Variants in CADM2 observed in about 807,000 individuals in gnomAD.
The protein encoded by CADM2 is immunoglobulin superfamily member 4D.
In CADM2, 12 loss-of-function variants were observed where a neutral mutation model predicts 49.8. That is an observed-to-expected ratio of 0.24 (90% confidence interval 0.15 to 0.39). CADM2 has a LOEUF of 0.39. Ranked by LOEUF, CADM2 falls within the 10% of genes least tolerant of loss-of-function variation. CADM2 has a pLI of 1.00. For synonymous variants in CADM2, 214 were observed against 175.4 expected (o/e 1.22, Z -1.74); for missense variants, 378 against 492.3 (o/e 0.77, Z 2.20).
intron 1 of CADM2, among the ~76,000 whole-genome samples, chr3:85,061,343 G>A (rs1008338414): frequency 6.6e-6 from 1 of 152,000 alleles, no homozygotes; most frequent in African/African-American, 2.4e-5. Context: ...CATGCAAATG[G>A]TGTGAATTAT....
At chr3:85,132,204 A>C (rs1385345867) in intron 1 of CADM2, among the ~76,000 whole-genome samples, 1 of 152,184 alleles carries the variant, frequency 6.6e-6, no homozygotes, top group Non-Finnish European at 1.5e-5. Flanking sequence ...GTTTCTGATA[A>C]ACTTACAAGG....
At chr3:85,755,141 C>T (rs1237018205) in intron 2 of CADM2, among the ~76,000 whole-genome samples, 2 of 152,108 alleles carry the variant, frequency 1.3e-5, no homozygotes, top group African/African-American at 2.4e-5. Context: ...TGCACAAGAC[C>T]ATCCCCAATT....
At chr3:85,149,287 G>T (rs959236) in intron 1 of CADM2, among the ~76,000 whole-genome samples, 65,559 of 151,866 alleles carry the variant, frequency 0.43, 15,694 homozygotes, top group Non-Finnish European at 0.55. Flanking sequence ...ACAGCAAGAA[G>T]GACCTTGTCA....
intron 1 of CADM2, among the ~76,000 whole-genome samples, chr3:85,673,972 C>G (rs1420724578): frequency 3.9e-5 from 6 of 152,070 alleles, no homozygotes; most frequent in African/African-American, 1.4e-4. Flanking sequence ...AAGAGTCACT[C>G]AAACAGTTTA....
chr3:85,431,974 T>A (rs903166432), intron 1 of CADM2, among the ~76,000 whole-genome samples: 2 of 145,972 alleles, frequency 1.4e-5, no homozygotes, highest in Non-Finnish European at 3.0e-5. Context: ...AATCAGCTGC[T>A]AACTTGAAGC....
At chr3:85,464,993 C>T (rs1457251535) in intron 1 of CADM2, among the ~76,000 whole-genome samples, 1 of 151,950 alleles carries the variant, frequency 6.6e-6, no homozygotes, top group Non-Finnish European at 1.5e-5. Flanking sequence ...ACTGAAAATA[C>T]TAAAAATTAG....
chr3:85,676,122 T>C (rs1317586127), intron 1 of CADM2, among the ~76,000 whole-genome samples: 1 of 152,178 alleles, frequency 6.6e-6, no homozygotes, highest in Admixed American at 6.5e-5. Context: ...CTGATTCCCA[T>C]TGATAGGGTC....
At chr3:85,091,957 A>G (rs541135463) in intron 1 of CADM2, among the ~76,000 whole-genome samples, 1 of 152,270 alleles carries the variant, frequency 6.6e-6, no homozygotes, top group South Asian at 2.1e-4. Flanking sequence ...TGAATAAATG[A>G]TTGTATATGT....
intron 1 of CADM2, among the ~76,000 whole-genome samples, chr3:85,050,936 C>T (rs1375079739): frequency 6.6e-6 from 1 of 152,148 alleles, no homozygotes; most frequent in Non-Finnish European, 1.5e-5. Context: ...GTACTCCTTT[C>T]TTGTGTCAGT....
intron 3 of CADM2, among the ~76,000 whole-genome samples, chr3:85,833,156 G>A (rs1017065406): frequency 1.2e-4 from 18 of 151,882 alleles, no homozygotes; most frequent in African/African-American, 4.1e-4. Context: ...CTGCATCCCA[G>A]GAATAAAGCT....
At chr3:85,319,133 T>C (rs2044539725) in intron 1 of CADM2, among the ~76,000 whole-genome samples, 1 of 152,214 alleles carries the variant, frequency 6.6e-6, no homozygotes, top group Non-Finnish European at 1.5e-5. Flanking sequence ...AGATTTTGTA[T>C]TAGAAGTTCT....
In CADM2 at chr3:85,484,308, G is replaced by A. The variant is rs185577151; in HGVS notation, c.62-242214G>A. On this transcript the variant is annotated intron_variant, in intron 1 of 9. Coordinates refer to ENST00000383699, the MANE Select transcript of CADM2 (RefSeq NM_001167675.2). ...GCTGCTTATGCTCTGTATTAACACAGGAATAATGCTTTCCCTAAATTGAAG... is the reference window on the plus strand; with the variant it reads ...GCTGCTTATGCTCTGTATTAACACAAGAATAATGCTTTCCCTAAATTGAAG... 2.0e-3 allele frequency among the ~76,000 whole-genome samples: 299 copies of A among 151,918 alleles called. 1 individual carries two copies. Among genetic ancestry groups the A allele is most frequent in the Non-Finnish European group, 1.8e-3 (125 of 67,824 alleles).
intron 1 of CADM2, among the ~76,000 whole-genome samples, chr3:85,201,870 C>A (rs1380283806): frequency 6.6e-6 from 1 of 151,874 alleles, no homozygotes; most frequent in Non-Finnish European, 1.5e-5. Context: ...ATCACAAGGT[C>A]AAGAGATCAA....
intron 2 of CADM2, among the ~76,000 whole-genome samples, chr3:85,729,152 A>G (rs1018359539): frequency 3.9e-5 from 6 of 152,010 alleles, no homozygotes; most frequent in African/African-American, 1.4e-4. Context: ...ATTCTTTTGA[A>G]TTTACATTTC....
chr3:85,412,137 T>C (rs1311177747), intron 1 of CADM2, among the ~76,000 whole-genome samples: 1 of 152,132 alleles, frequency 6.6e-6, no homozygotes, highest in Non-Finnish European at 1.5e-5. Context: ...GCCCACATCA[T>C]AATTTCTTTG....
At chr3:85,870,925 A>T (rs2075904165) in intron 3 of CADM2, among the ~76,000 whole-genome samples, 1 of 152,226 alleles carries the variant, frequency 6.6e-6, no homozygotes. Flanking sequence ...TGTAAAACCC[A>T]AAACTATAAA....
intron 6 of CADM2, among the ~76,000 whole-genome samples, chr3:85,922,204 C>G (rs1270933683): frequency 6.6e-6 from 1 of 151,480 alleles, no homozygotes; most frequent in Non-Finnish European, 1.5e-5. Flanking sequence ...CCTTCTCCTT[C>G]TTCCCCTTCT....
intron 1 of CADM2, among the ~76,000 whole-genome samples, chr3:85,515,633 T>TATATA (rs1450614692): frequency 0.023 from 2,784 of 121,454 alleles, 45 homozygotes; most frequent in African/African-American, 0.054. Context: ...ATATATATAT[T>TATATA]TTTTTTTTTT....
intron 1 of CADM2, among the ~76,000 whole-genome samples, chr3:85,410,303 T>C (rs2107466718): frequency 6.6e-6 from 1 of 152,338 alleles, no homozygotes; most frequent in African/African-American, 2.4e-5. Context: ...AGAGTCATGC[T>C]AAACTAATCT....
Sources: allele counts gnomAD v4.1 joint callset (sites outside exome capture counted in the v4.1 genomes callset), GRCh38; gene constraint gnomAD v4.1.1; transcripts MANE v1.5; gene names NCBI Gene and HGNC (gene_info 2026-07-23, HGNC 2026-07-21).